The following DUSP13B variants were observed in gnomAD, a reference collection of about 807,000 sequenced individuals.
DUSP13B encodes the protein dual specificity phosphatase 13B.
At chr10:75,101,872 G>A in the DUSP13B span, 2 of 1,366,570 alleles carry the variant, frequency 1.5e-6, no homozygotes, top group Admixed American at 3.8e-5. Flanking sequence ...CCCACCTGTG[G>A]GAGTATCTGG....
At chr10:75,105,790 C>T in the DUSP13B span, 317 of 1,551,026 alleles carry the variant, frequency 2.0e-4, 1 homozygote, top group African/African-American at 3.6e-3. Flanking sequence ...CAGGGACAGC[C>T]GCTGGTGCAG....
At chr10:75,108,065 G>A in the DUSP13B span, 5 of 1,613,806 alleles carry the variant, frequency 3.1e-6, no homozygotes, top group African/African-American at 6.7e-5. Context: ...CAAAATCAGG[G>A]AGGTCGTGGG....
chr10:75,095,872 C>T, the DUSP13B span: 1 of 1,390,892 alleles, frequency 7.2e-7, no homozygotes, highest in Non-Finnish European at 1.0e-6. Flanking sequence ...TTGAAGTTTG[C>T]AAACACCCCC....
At chr10:75,097,131 G>A in the DUSP13B span, among the ~76,000 whole-genome samples, 14 of 152,114 alleles carry the variant, frequency 9.2e-5, no homozygotes, top group Non-Finnish European at 1.9e-4. Context: ...AGGGGCTTCT[G>A]GGAGACAAGT....
At chr10:75,107,302 G>A in the DUSP13B span, among the ~76,000 whole-genome samples, 7 of 151,044 alleles carry the variant, frequency 4.6e-5, no homozygotes, top group Non-Finnish European at 5.9e-5. Context: ...AGCAGAGATC[G>A]CGCCACTGCA....
At chr10:75,106,105 T>C in the DUSP13B span, among the ~76,000 whole-genome samples, 30 of 142,586 alleles carry the variant, frequency 2.1e-4, no homozygotes, top group South Asian at 6.6e-4. Flanking sequence ...TCTTTTCTTT[T>C]TTTTTTTTTT....
At chr10:75,108,862 C>T in the DUSP13B span, 3 of 1,083,510 alleles carry the variant, frequency 2.8e-6, no homozygotes, top group African/African-American at 1.6e-5. Context: ...CCTCAGCACC[C>T]CCGGGGGTCC....
the DUSP13B span, chr10:75,099,052 T>C: frequency 2.4e-6 from 3 of 1,232,270 alleles, no homozygotes; most frequent in Admixed American, 8.4e-5. Flanking sequence ...AGGCCAGCAC[T>C]GGATGTCAGG....
At chr10:75,104,137 C>G in the DUSP13B span, 1 of 1,297,346 alleles carries the variant, frequency 7.7e-7, no homozygotes, top group Non-Finnish European at 1.0e-6. Context: ...GCAGGTGAAC[C>G]AAGGCCCAGG....
At chr10:75,097,826 G>A in the DUSP13B span, 4 of 1,613,808 alleles carry the variant, frequency 2.5e-6, no homozygotes, top group African/African-American at 1.3e-5. Flanking sequence ...GTAGGGAGAT[G>A]CCTGGACTGC....
At chr10:75,100,676 C>G in the DUSP13B span, among the ~76,000 whole-genome samples, 1 of 152,250 alleles carries the variant, frequency 6.6e-6, no homozygotes, top group Admixed American at 6.5e-5. Context: ...TCCTCGCCCC[C>G]TTCCTGCCTC....
the DUSP13B span, chr10:75,105,854 G>A: frequency 6.5e-6 from 10 of 1,549,278 alleles, no homozygotes; most frequent in African/African-American, 1.4e-4. Flanking sequence ...ACCACACAGT[G>A]CACCAGGACC....
the DUSP13B span, chr10:75,094,697 C>A: frequency 1.2e-6 from 2 of 1,614,092 alleles, no homozygotes; most frequent in Admixed American, 3.3e-5. Flanking sequence ...CCGTCTCCCG[C>A]CCCAGTCGGT....
At chr10:75,103,311 A>G in the DUSP13B span, among the ~76,000 whole-genome samples, 3 of 152,344 alleles carry the variant, frequency 2.0e-5, no homozygotes, top group Non-Finnish European at 2.9e-5. Flanking sequence ...AAAGACCTAG[A>G]AGACTCAGGC....
the DUSP13B span, among the ~76,000 whole-genome samples, chr10:75,096,046 G>A: frequency 3.3e-5 from 5 of 152,170 alleles, no homozygotes; most frequent in African/African-American, 9.7e-5. Context: ...CTTGAGGTCA[G>A]GAGTTTGAGA....
the DUSP13B span, among the ~76,000 whole-genome samples, chr10:75,098,655 G>A: frequency 6.6e-6 from 1 of 152,132 alleles, no homozygotes; most frequent in Admixed American, 6.6e-5. Flanking sequence ...CCAGCTACTA[G>A]GGAGGCTGAG....
chr10:75,108,122 G>A, the DUSP13B span: 20 of 1,613,604 alleles, frequency 1.2e-5, no homozygotes, highest in East Asian at 2.2e-5. Context: ...AGTCAGGGCC[G>A]CCCTGACAGT....
the DUSP13B span, among the ~76,000 whole-genome samples, chr10:75,108,488 G>C: frequency 3.3e-5 from 5 of 152,146 alleles, no homozygotes; most frequent in Non-Finnish European, 7.4e-5. Flanking sequence ...GGAAGGGATT[G>C]CTTCAGCCCT....
chr10:75,102,513 T>C, the DUSP13B span, among the ~76,000 whole-genome samples: 1 of 152,184 alleles, frequency 6.6e-6, no homozygotes, highest in Admixed American at 6.5e-5. Flanking sequence ...TAAACCATTT[T>C]AAAAGGTCCC....
Sources: gnomAD v4.1 joint callset for allele counts (sites outside exome capture counted in the v4.1 genomes callset) on GRCh38, gnomAD v4.1.1 for gene constraint, MANE v1.5 for transcripts, NCBI Gene and HGNC (gene_info 2026-07-23, HGNC 2026-07-21) for gene names.